The following BMP1 variants were observed in gnomAD, a reference collection of about 807,000 sequenced individuals.
The protein encoded by BMP1 is mammalian tolloid protein.
BMP1 carries 63 observed loss-of-function variants against 116.8 expected under a neutral mutation model. The observed-to-expected ratio is 0.54, with a 90% CI of 0.44 to 0.67. The LOEUF (loss-of-function observed/expected upper bound fraction) is 0.67, where lower values mean the gene tolerates loss of function less well. Among genes scored for constraint, BMP1 ranks in the 30% least tolerant of loss-of-function variants. The probability of loss-of-function intolerance (pLI) is 0.00; values close to 1 mark genes in which losing one functional copy is unlikely to be tolerated. For missense variants in BMP1, 1,183 were observed against 1,358.9 expected (o/e 0.87, Z 2.04); for synonymous variants, 536 against 533.4 (o/e 1.00, Z -0.07).
At chr8:22,184,438 G>C (rs1279752597) in intron 8 of BMP1, among the ~76,000 whole-genome samples, 1 of 152,196 alleles carries the variant, frequency 6.6e-6, no homozygotes, top group Non-Finnish European at 1.5e-5. Flanking sequence ...TGCAGAAAGA[G>C]AAAAGGGCTA....
intron 1 of BMP1, 67 bp downstream of exon 1, chr8:22,165,620 T>C (rs1828071361): frequency 6.7e-7 from 1 of 1,485,722 alleles, no homozygotes; most frequent in Admixed American, 2.6e-5. Context: ...GGGCTTGGGG[T>C]TGGGGGAGGA....
chr8:22,172,311 C>T (rs553989674), intron 1 of BMP1, among the ~76,000 whole-genome samples: 3 of 152,184 alleles, frequency 2.0e-5, no homozygotes, highest in South Asian at 2.1e-4. Flanking sequence ...CCTTACAAAG[C>T]GGCCAGTTCT....
At chr8:22,196,615 A>C in intron 13 of BMP1, 65 bp from the exon 14 acceptor site, 1 of 1,605,600 alleles carries the variant, frequency 6.2e-7, no homozygotes, top group Non-Finnish European at 8.5e-7. Context: ...ATCCCAGCCC[A>C]CATCTCAGCC....
chr8:22,188,584 C>T (rs1416337845), intron 8 of BMP1, among the ~76,000 whole-genome samples: 5 of 152,238 alleles, frequency 3.3e-5, no homozygotes. Context: ...GGGCATTGCC[C>T]CTGCCACCAG....
intron 8 of BMP1, among the ~76,000 whole-genome samples, chr8:22,190,229 G>A (rs1828892656): frequency 6.6e-6 from 1 of 152,188 alleles, no homozygotes; most frequent in African/African-American, 2.4e-5. Flanking sequence ...TTGGCCTGTA[G>A]TGTGCTTTTC....
At chr8:22,172,718 T>G (rs913128642) in intron 1 of BMP1, among the ~76,000 whole-genome samples, 15 of 148,166 alleles carry the variant, frequency 1.0e-4, no homozygotes, top group Non-Finnish European at 1.3e-4. Context: ...GTTCAATTGA[T>G]CCACCTGCCT....
chr8:22,175,532 G>C (rs1484109422), intron 2 of BMP1, among the ~76,000 whole-genome samples: 1 of 152,160 alleles, frequency 6.6e-6, no homozygotes, highest in Non-Finnish European at 1.5e-5. Flanking sequence ...ACAGGGTCAG[G>C]TTCCTTCAAG....
intron 1 of BMP1, among the ~76,000 whole-genome samples, chr8:22,166,533 C>A (rs969768272): frequency 2.6e-5 from 4 of 152,202 alleles, no homozygotes; most frequent in Non-Finnish European, 4.4e-5. Flanking sequence ...CACACAGGGA[C>A]AAGATATCAG....
rs536388590 is a variant in BMP1, at chr8:22,187,944, G to C, written c.1078-4105G>C. ...AGAGGAACTGGTTGATGGGCCTAAA[G>C]ATCATGCGGCAAGGTCAGATTGAAG... On this transcript the variant is annotated intron_variant, in intron 8 of 19. Coordinates refer to ENST00000306385, the MANE Select transcript of BMP1 (RefSeq NM_006129.5). 2.0e-5 allele frequency among the ~76,000 whole-genome samples: 3 copies of C among 152,134 alleles called. No individual in the cohort carries two copies. The South Asian group carries it at 6.2e-4, about 32-fold the overall frequency.
intron 8 of BMP1, among the ~76,000 whole-genome samples, chr8:22,189,690 C>T (rs1199146725): frequency 6.6e-6 from 1 of 151,864 alleles, no homozygotes; most frequent in Non-Finnish European, 1.5e-5. Context: ...TGGTCTCAAA[C>T]TCCTGGACTC....
At chr8:22,172,525 A>G (rs1828309269) in intron 1 of BMP1, among the ~76,000 whole-genome samples, 1 of 151,002 alleles carries the variant, frequency 6.6e-6, no homozygotes, top group African/African-American at 2.4e-5. Flanking sequence ...TTTTCCTCCT[A>G]GCTGGGAAGC....
chr8:22,200,817 CT>C (rs1275630824), intron 15 of BMP1, among the ~76,000 whole-genome samples: 1 of 152,180 alleles, frequency 6.6e-6, no homozygotes, highest in Non-Finnish European at 1.5e-5. Flanking sequence ...CAGTTCTCTC[CT>C]TCCCTGATGC....
intron 2 of BMP1, among the ~76,000 whole-genome samples, 174 bp downstream of exon 2, chr8:22,173,889 G>T (rs1828355769): frequency 6.6e-6 from 1 of 152,212 alleles, no homozygotes; most frequent in Non-Finnish European, 1.5e-5. Flanking sequence ...CAGAGGAGTA[G>T]TAAATATAGA....
rs1345955679 is a variant in BMP1 at position 22,211,824 on chromosome 8, C to CCCCCAGG, written c.*104_*110dup. The stretch of plus-strand genomic sequence containing the variant: ...GCGGAAGGCAACGCACCATCCCTCT[C>CCCCCAGG]CCCCAGGCCCCAGGACCTGCAGGGC... On this transcript the variant is annotated 3_prime_UTR_variant, in exon 20 of 20. Transcript: ENST00000306385. 98 of 1,572,222 alleles carry CCCCCAGG rather than the reference C, an allele frequency of 6.2e-5. 3 individuals carry two copies. Among genetic ancestry groups the CCCCCAGG allele is most frequent in the South Asian group, 6.2e-4 (55 of 88,652 alleles).
intron 2 of BMP1, 97 bp downstream of exon 2, chr8:22,173,812 A>G (rs1434205389): frequency 1.1e-6 from 1 of 947,114 alleles, no homozygotes. Context: ...CCCTCCCAGG[A>G]CAGAGGCCAT....
chr8:22,177,532 T>A, intron 5 of BMP1: 2 of 722,722 alleles, frequency 2.8e-6, no homozygotes, highest in Non-Finnish European at 5.1e-6. Flanking sequence ...TCGATGTCTC[T>A]GTCCCTCCCT....
Position 22,196,675 on chromosome 8 carries a change from C to T in BMP1, c.1766-5C>T, listed in dbSNP as rs76809016. On this transcript the variant is annotated splice_region_variant and splice_polypyrimidine_tract_variant and intron_variant, in intron 13 of 19. Coordinates refer to ENST00000306385, the MANE Select transcript of BMP1 (RefSeq NM_006129.5). ...CAGACGATGCCACCTTCCTTGTCCC[C>T]GCAGCTGCTTGTGGCGGATTCCTCA... is the stretch of plus-strand genomic sequence containing the variant. 8,204 of 1,613,950 alleles carry T rather than the reference C, an allele frequency of 5.1e-3. 410 individuals are homozygous for T. The African/African-American group carries it at 0.098, about 19-fold the overall frequency.
At chr8:22,184,896 C>T (rs374734170) in intron 8 of BMP1, among the ~76,000 whole-genome samples, 10 of 152,196 alleles carry the variant, frequency 6.6e-5, no homozygotes, top group African/African-American at 1.4e-4. Flanking sequence ...TGGACTTTGC[C>T]GTCTATTTTG....
At chr8:22,171,055 A>G (rs754695312) in intron 1 of BMP1, 2 of 152,154 alleles carry the variant, frequency 1.3e-5, no homozygotes, top group Non-Finnish European at 2.9e-5. Context: ...CTCCCATCCC[A>G]TGTCCTTGTT....
Sources: allele counts gnomAD v4.1 joint callset (sites outside exome capture counted in the v4.1 genomes callset), GRCh38; gene constraint gnomAD v4.1.1; transcripts MANE v1.5; gene names NCBI Gene and HGNC (gene_info 2026-07-23, HGNC 2026-07-21).